The following HDAC9 variants were observed in gnomAD, a reference collection of about 807,000 sequenced individuals.
HDAC9 encodes the protein MEF-2 interacting transcription repressor (MITR) protein.
In HDAC9, 41 loss-of-function variants were observed where a neutral mutation model predicts 139.4. The ratio of observed to expected loss-of-function variants is 0.29; its 90% CI spans 0.23 to 0.38. The LOEUF is 0.38. Among genes scored for constraint, HDAC9 ranks in the 10% least tolerant of loss-of-function variants. The pLI is 1.00. For synonymous variants in HDAC9, 517 were observed against 476.2 expected, an observed-to-expected ratio of 1.09 and a Z score of -1.12; for missense variants, 1,147 against 1,297.0, an observed-to-expected ratio of 0.88 and a Z score of 1.78.
At chr7:18,673,192 AT>A (rs1156525300) in intron 12 of HDAC9, among the ~76,000 whole-genome samples, 1 of 151,932 alleles carries the variant, frequency 6.6e-6, no homozygotes, top group Non-Finnish European at 1.5e-5. Flanking sequence ...GGGCAGGAGG[AT>A]TGTTGAGCCC....
intron 1 of HDAC9, among the ~76,000 whole-genome samples, chr7:18,444,785 G>C (rs1408798761): frequency 2.0e-5 from 3 of 152,172 alleles, no homozygotes; most frequent in Non-Finnish European, 2.9e-5. Context: ...TAACACTGTT[G>C]TATTGTCATT....
At chr7:18,565,530 A>G (rs1327914246) in intron 2 of HDAC9, among the ~76,000 whole-genome samples, 2 of 152,188 alleles carry the variant, frequency 1.3e-5, no homozygotes, top group African/African-American at 4.8e-5. Flanking sequence ...AGTTGGAATG[A>G]GAAAAACAGC....
At chr7:18,641,340 T>C (rs1785535055) in intron 8 of HDAC9, among the ~76,000 whole-genome samples, 1 of 152,052 alleles carries the variant, frequency 6.6e-6, no homozygotes, top group African/African-American at 2.4e-5. Flanking sequence ...CCATTTCATA[T>C]CTCATGTCCC....
intron 1 of HDAC9, among the ~76,000 whole-genome samples, chr7:18,443,292 TG>T (rs1791962267): frequency 6.6e-6 from 1 of 152,166 alleles, no homozygotes; most frequent in Admixed American, 6.5e-5. Context: ...GCAACATGAT[TG>T]GGGAAAATTA....
intron 1 of HDAC9, among the ~76,000 whole-genome samples, chr7:18,465,806 A>G (rs1232494865): frequency 6.6e-6 from 1 of 152,144 alleles, no homozygotes; most frequent in Non-Finnish European, 1.5e-5. Flanking sequence ...TATCTTTTGT[A>G]AATTTGTTAA....
At chr7:18,929,431 T>A (rs1484870317) in intron 22 of HDAC9, among the ~76,000 whole-genome samples, 3 of 152,138 alleles carry the variant, frequency 2.0e-5, no homozygotes, top group Non-Finnish European at 4.4e-5. Flanking sequence ...AAGGTCATGG[T>A]AATTACCAGT....
At chr7:18,631,597 T>C (rs1160332682) in intron 7 of HDAC9, among the ~76,000 whole-genome samples, 3 of 152,066 alleles carry the variant, frequency 2.0e-5, no homozygotes, top group East Asian at 1.9e-4. Context: ...CCCCATTTCA[T>C]AGATTAAAGT....
intron 1 of HDAC9, among the ~76,000 whole-genome samples, chr7:18,156,379 G>A (rs905984487): frequency 6.6e-6 from 1 of 152,140 alleles, no homozygotes; most frequent in Non-Finnish European, 1.5e-5. Flanking sequence ...ATCCCACCTG[G>A]GTTTGCCCTT....
chr7:18,889,266 A>G (rs1279408764), intron 22 of HDAC9, among the ~76,000 whole-genome samples: 1 of 152,132 alleles, frequency 6.6e-6, no homozygotes, highest in African/African-American at 2.4e-5. Context: ...CAGCTCAGAT[A>G]TCACCTTCTC....
intron 1 of HDAC9, among the ~76,000 whole-genome samples, chr7:18,348,047 A>C (rs1782562245): frequency 6.6e-6 from 1 of 152,194 alleles, no homozygotes; most frequent in Non-Finnish European, 1.5e-5. Flanking sequence ...TGCAGTAACT[A>C]GCAACTGTTT....
intron 22 of HDAC9, among the ~76,000 whole-genome samples, chr7:18,880,088 C>T (rs749946948): frequency 2.8e-4 from 42 of 152,072 alleles, no homozygotes; most frequent in Admixed American, 9.2e-4. Flanking sequence ...TAGAGAAATG[C>T]GATCAAAGCC....
At chr7:18,454,253 A>C (rs1793144592) in intron 1 of HDAC9, among the ~76,000 whole-genome samples, 1 of 152,126 alleles carries the variant, frequency 6.6e-6, no homozygotes, top group African/African-American at 2.4e-5. Flanking sequence ...CTTCTTGGAC[A>C]GTGTAATTAA....
At chr7:18,221,351 C>T (rs1440777276) in intron 2 of HDAC9, among the ~76,000 whole-genome samples, 1 of 152,086 alleles carries the variant, frequency 6.6e-6, no homozygotes, top group East Asian at 1.9e-4. Flanking sequence ...GTGATCCGCC[C>T]ACCTCAGCCT....
At chr7:18,815,378 C>G (rs1193819030) in intron 17 of HDAC9, among the ~76,000 whole-genome samples, 1 of 152,090 alleles carries the variant, frequency 6.6e-6, no homozygotes, top group African/African-American at 2.4e-5. Context: ...AAACAAATTG[C>G]TTTCAATGGG....
At chr7:18,715,255 A>T (rs199690600) in intron 12 of HDAC9, among the ~76,000 whole-genome samples, 1 of 146,040 alleles carries the variant, frequency 6.8e-6, no homozygotes, top group Non-Finnish European at 1.5e-5. Flanking sequence ...TTTTTTTTTT[A>T]AAGCGGATAC....
At chr7:18,590,033 A>G (rs1316817537) in intron 3 of HDAC9, among the ~76,000 whole-genome samples, 2 of 152,194 alleles carry the variant, frequency 1.3e-5, no homozygotes, top group Non-Finnish European at 2.9e-5. Context: ...TGTTCAAAGA[A>G]AAGTCATTAA....
At chr7:18,635,115 C>A (rs1323865756) in intron 8 of HDAC9, among the ~76,000 whole-genome samples, 1 of 151,778 alleles carries the variant, frequency 6.6e-6, no homozygotes, top group Non-Finnish European at 1.5e-5. Context: ...TAGTGATCCT[C>A]CGTGCACACT....
intron 22 of HDAC9, among the ~76,000 whole-genome samples, chr7:18,903,326 A>C (rs997314960): frequency 1.7e-4 from 26 of 152,344 alleles, no homozygotes; most frequent in African/African-American, 6.3e-4. Context: ...TTTTATTCAT[A>C]GTTTACGTAA....
At chr7:18,146,465 T>C (rs1187061185) in intron 1 of HDAC9, among the ~76,000 whole-genome samples, 1 of 152,168 alleles carries the variant, frequency 6.6e-6, no homozygotes, top group Non-Finnish European at 1.5e-5. Flanking sequence ...CTGCTATGTT[T>C]ATGCTTTTAT....
Sources: gnomAD v4.1 joint callset for allele counts (sites outside exome capture counted in the v4.1 genomes callset) on GRCh38, gnomAD v4.1.1 for gene constraint, MANE v1.5 for transcripts, NCBI Gene and HGNC (gene_info 2026-07-23, HGNC 2026-07-21) for gene names.